Variants in MAP3K13 observed in about 807,000 individuals in gnomAD.
MAP3K13 encodes the protein mitogen-activated protein kinase kinase kinase 13.
In MAP3K13, 52 loss-of-function variants were observed where a neutral mutation model predicts 104.0. That is an observed-to-expected ratio of 0.50 (90% CI 0.40 to 0.63). The LOEUF is 0.63. MAP3K13 is among the 20% of genes least tolerant of loss of function. The pLI, the probability that MAP3K13 is intolerant of heterozygous loss-of-function variation, is 0.00. For synonymous variants in MAP3K13, 394 were observed against 442.2 expected (o/e 0.89, Z 1.37); for missense variants, 914 against 1,218.5 (o/e 0.75, Z 3.72).
chr3:185,430,066 G>C (rs1033841979), intron 2 of MAP3K13, among the ~76,000 whole-genome samples: 1 of 152,126 alleles, frequency 6.6e-6, no homozygotes, highest in Non-Finnish European at 1.5e-5. Context: ...TGGGCATGGT[G>C]GTGTGCACCT....
Position 185,285,032 on chromosome 3 carries a change from G to A in MAP3K13, c.-204-493G>A, listed in dbSNP as rs76784569. 6.1e-3 allele frequency among the ~76,000 whole-genome samples: 868 copies of A among 142,102 alleles called. 5 individuals are homozygous for A. Among genetic ancestry groups the A allele is most frequent in the African/African-American group, 0.018 (619 of 34,894 alleles). 93.2% of individuals were successfully genotyped at this position (142,102 alleles called of 152,430 possible). Reference sequence around the variant, plus strand: ...GAAACCCTGAATTTATGTCATACGGGTGTGTGTGTGTGTGTGTGTGTTTTA... The same window carrying A: ...GAAACCCTGAATTTATGTCATACGGATGTGTGTGTGTGTGTGTGTGTTTTA... On this transcript the variant is annotated intron_variant, in intron 1 of 14. Transcript: ENST00000424227.
At chr3:185,303,831 T>C (rs1261025962) in intron 2 of MAP3K13, among the ~76,000 whole-genome samples, 1 of 152,024 alleles carries the variant, frequency 6.6e-6, no homozygotes, top group African/African-American at 2.4e-5. Context: ...ATTTATGTTC[T>C]ATTTTTTATT....
chr3:185,405,491 C>T (rs1713061314), intron 1 of MAP3K13, among the ~76,000 whole-genome samples: 1 of 152,210 alleles, frequency 6.6e-6, no homozygotes, highest in South Asian at 2.1e-4. Context: ...TCCAGCTCTT[C>T]CAGACTGTTT....
rs143443480 is a variant in MAP3K13, at chr3:185,482,394, G to C, written c.2839G>C (p.Asp947His). 80 of 1,614,046 alleles carry C rather than the reference G, an allele frequency of 5.0e-5. No homozygotes were observed. The highest frequency in any genetic ancestry group is 6.5e-5 in the Non-Finnish European group (77 of 1,180,010). Reference sequence around the variant, plus strand: ...TGAAGAATCGGACTGTGACTCTTCAGATGGGGAGTGTTCTGATGCCACAGT... The same window carrying C: ...TGAAGAATCGGACTGTGACTCTTCACATGGGGAGTGTTCTGATGCCACAGT... ...QFEESDCDSS[D>H]GECSDATVRT... The change falls in exon 14 of 14, where the codon GAT (aspartate) becomes CAT (histidine). Residue 947 changes from aspartate (D) to histidine (H), a missense_variant. Asp to His is a moderately conservative substitution (Grantham distance 81). Coordinates refer to ENST00000265026, the MANE Select transcript of MAP3K13 (RefSeq NM_004721.5). The surrounding 1 kb of genome is among the most constrained non-coding windows in gnomAD (Gnocchi z 4.5).
rs1281214742 is a variant in MAP3K13 at position 185,482,008 on chromosome 3, C to T, written c.2800-347C>T. 1.3e-5 allele frequency among the ~76,000 whole-genome samples: 2 copies of T among 152,196 alleles called. No individual in the cohort carries two copies. The highest frequency in any genetic ancestry group is 6.5e-5 in the Admixed American group (1 of 15,280). ...CTGAGGCAGGAGAATCGCTTGAATC[C>T]GGGAGGCGGAGGTTGCAGCGAGCCA... is the stretch of plus-strand genomic sequence containing the variant. On this transcript the variant is annotated intron_variant, in intron 13 of 13. Transcript: ENST00000265026. This position sits in a 1 kb window ranked among gnomAD's most constrained non-coding sequence, Gnocchi z 4.5.
chr3:185,438,277 C>CA (rs1048702707), intron 3 of MAP3K13, among the ~76,000 whole-genome samples: 3 of 148,278 alleles, frequency 2.0e-5, no homozygotes, highest in African/African-American at 7.5e-5. Context: ...GCCTAGGTGA[C>CA]AGAGTGAGAC....
At chr3:185,328,090 CAT>C (rs1356267464) in intron 2 of MAP3K13, among the ~76,000 whole-genome samples, 3 of 152,118 alleles carry the variant, frequency 2.0e-5, no homozygotes, top group African/African-American at 7.2e-5. Context: ...GAAGCAGTAT[CAT>C]ATTTTATCTT....
chr3:185,322,336 G>T (rs1010581043), intron 2 of MAP3K13, among the ~76,000 whole-genome samples: 2 of 152,196 alleles, frequency 1.3e-5, no homozygotes, highest in South Asian at 4.1e-4. Context: ...TTGGCCATCA[G>T]TGGTCTCTGT....
chr3:185,469,175 C>A (rs1262812373), intron 10 of MAP3K13, among the ~76,000 whole-genome samples: 1 of 152,140 alleles, frequency 6.6e-6, no homozygotes, highest in Non-Finnish European at 1.5e-5. Context: ...AGAGGAGAAA[C>A]CATTCAACCA....
intron 7 of MAP3K13, among the ~76,000 whole-genome samples, chr3:185,463,183 G>A (rs772482485): frequency 6.6e-6 from 1 of 152,300 alleles, no homozygotes; most frequent in African/African-American, 2.4e-5. Flanking sequence ...TTTCCATGTG[G>A]TTATCAGAGC....
intron 1 of MAP3K13, among the ~76,000 whole-genome samples, chr3:185,374,549 A>G (rs1296730008): frequency 6.6e-6 from 1 of 152,196 alleles, no homozygotes; most frequent in African/African-American, 2.4e-5. Flanking sequence ...TAAGAGAAGG[A>G]GAAAAACAGG....
At chr3:185,375,648 G>T (rs1724389425) in intron 1 of MAP3K13, among the ~76,000 whole-genome samples, 1 of 152,114 alleles carries the variant, frequency 6.6e-6, no homozygotes, top group South Asian at 2.1e-4. Flanking sequence ...CTGCCGTGAG[G>T]GATACAAGTT....
At position 185,428,938 on chromosome 3, in the gene MAP3K13, G is replaced by T. The variant is rs753729629; in HGVS notation, c.357G>T (p.Gln119His). 1 of 1,614,204 alleles carries T rather than the reference G, an allele frequency of 6.2e-7. No homozygotes were observed. Among genetic ancestry groups the T allele is most frequent in the South Asian group, 1.1e-5 (1 of 91,078 alleles). The part of the protein sequence containing the change: ...STSGTEDIKI[Q>H]FSRSGSGSGG... Reference sequence around the variant, plus strand: ...GCGGAACTGAAGACATAAAGATTCAGTTCAGCAGGTCAGGCAGTGGCAGTG... The same window carrying T: ...GCGGAACTGAAGACATAAAGATTCATTTCAGCAGGTCAGGCAGTGGCAGTG... The change falls in exon 2 of 14, where the codon CAG becomes CAT. Residue 119 changes from glutamine to histidine, a missense_variant. Physicochemically the swap from Gln to His is conservative, Grantham distance 24. This residue lies in a region of MAP3K13 where 156 missense variants were observed against 159.8 expected (regional missense o/e 0.98). Transcript: ENST00000265026.
upstream of MAP3K13, among the ~76,000 whole-genome samples, chr3:185,359,775 A>T (rs1044549144): frequency 6.6e-6 from 1 of 152,198 alleles, no homozygotes; most frequent in African/African-American, 2.4e-5. Flanking sequence ...CTACACACTT[A>T]TCTGTGAAGG....
intron 2 of MAP3K13, among the ~76,000 whole-genome samples, chr3:185,325,150 C>T (rs1722004236): frequency 6.6e-6 from 1 of 152,196 alleles, no homozygotes; most frequent in African/African-American, 2.4e-5. Context: ...AGGTTACTTA[C>T]TATGACAGAG....
intron 2 of MAP3K13, among the ~76,000 whole-genome samples, chr3:185,327,778 G>A (rs970585011): frequency 6.6e-6 from 1 of 152,120 alleles, no homozygotes; most frequent in Non-Finnish European, 1.5e-5. Flanking sequence ...TGGACACGGT[G>A]GCGGGCGTCT....
intron 1 of MAP3K13, among the ~76,000 whole-genome samples, chr3:185,384,340 GACACA>G (rs1711559495): frequency 6.6e-6 from 1 of 151,218 alleles, no homozygotes. Flanking sequence ...GTGTGTGTGA[GACACA>G]TTGTCTCTAT....
intron 2 of MAP3K13, among the ~76,000 whole-genome samples, chr3:185,342,090 G>T (rs1177972375): frequency 6.6e-6 from 1 of 152,122 alleles, no homozygotes; most frequent in Non-Finnish European, 1.5e-5. Flanking sequence ...AAGGCCTCCT[G>T]CAAACAGCCA....
intron 2 of MAP3K13, among the ~76,000 whole-genome samples, chr3:185,345,619 C>T (rs950427791): frequency 1.2e-4 from 19 of 152,142 alleles, no homozygotes; most frequent in African/African-American, 3.1e-4. Context: ...ATCTTGATTG[C>T]GTGCCCTTTA....
Sources: gnomAD v4.1 joint callset for allele counts (sites outside exome capture counted in the v4.1 genomes callset) on GRCh38, gnomAD v4.1.1 for gene constraint, gnomAD v4.1.1 regional missense constraint, Gnocchi (gnomAD v3.1) non-coding constraint, MANE v1.5 for transcripts, NCBI Gene and HGNC (gene_info 2026-07-23, HGNC 2026-07-21) for gene names.